HS3ST4: variants seen among roughly 807,000 people sequenced by gnomAD.
HS3ST4 encodes the protein heparan sulfate glucosamine 3-O-sulfotransferase 4.
HS3ST4 carries 17 observed loss-of-function variants against 29.2 expected under a neutral mutation model. That is an observed-to-expected ratio of 0.58 (90% CI 0.40 to 0.87). The LOEUF (loss-of-function observed/expected upper bound fraction) is 0.87. Ranked by LOEUF, HS3ST4 falls within the 40% of genes least tolerant of loss-of-function variation. The pLI is 0.00. For synonymous variants in HS3ST4, 314 were observed against 285.7 expected, an observed-to-expected ratio of 1.10 and a Z score of -1.00; for missense variants, 627 against 634.5, an observed-to-expected ratio of 0.99 and a Z score of 0.13.
At chr16:26,062,408 T>G (rs1567304302) in intron 1 of HS3ST4, among the ~76,000 whole-genome samples, 1 of 152,214 alleles carries the variant, frequency 6.6e-6, no homozygotes, top group Non-Finnish European at 1.5e-5. Flanking sequence ...GATTCTTGCC[T>G]GTTCTTCTCA....
intron 1 of HS3ST4, among the ~76,000 whole-genome samples, chr16:25,864,817 A>G (rs8044051): frequency 0.27 from 40,528 of 151,378 alleles, 5,949 homozygotes; most frequent in East Asian, 0.45. Flanking sequence ...TCCATTGTAT[A>G]TATATTTATA....
intron 1 of HS3ST4, among the ~76,000 whole-genome samples, chr16:25,988,577 G>A (rs1969084774): frequency 6.6e-6 from 1 of 152,184 alleles, no homozygotes; most frequent in Non-Finnish European, 1.5e-5. Flanking sequence ...CTCTAGGATA[G>A]TTTTTTATTT....
intron 1 of HS3ST4, among the ~76,000 whole-genome samples, chr16:26,010,994 A>G (rs1304856052): frequency 1.3e-5 from 2 of 152,196 alleles, no homozygotes; most frequent in Admixed American, 6.5e-5. Context: ...GAGCTAACGT[A>G]TGAGAGTGCT....
intron 1 of HS3ST4, among the ~76,000 whole-genome samples, chr16:26,109,572 A>C (rs1899100489): frequency 6.6e-6 from 1 of 152,030 alleles, no homozygotes; most frequent in Non-Finnish European, 1.5e-5. Flanking sequence ...TCCCCCAGGC[A>C]TGTCCATCAC....
intron 1 of HS3ST4, among the ~76,000 whole-genome samples, chr16:26,033,906 A>C (rs1399490267): frequency 1.3e-5 from 2 of 152,206 alleles, no homozygotes; most frequent in Non-Finnish European, 2.9e-5. Context: ...GCTGCGGTGT[A>C]GTCAGGATTA....
chr16:25,880,035 T>C (rs1288230127), intron 1 of HS3ST4, among the ~76,000 whole-genome samples: 3 of 152,126 alleles, frequency 2.0e-5, no homozygotes, highest in Non-Finnish European at 4.4e-5. Context: ...GTGGGGATTA[T>C]TACAATTCAC....
intron 1 of HS3ST4, among the ~76,000 whole-genome samples, chr16:25,869,954 A>G (rs567447321): frequency 1.3e-3 from 200 of 152,284 alleles, no homozygotes; most frequent in Non-Finnish European, 2.2e-3. Context: ...AGGACCAGGG[A>G]TCAGATCTGA....
At chr16:26,099,472 C>A (rs978783349) in intron 1 of HS3ST4, among the ~76,000 whole-genome samples, 6 of 152,126 alleles carry the variant, frequency 3.9e-5, no homozygotes, top group Non-Finnish European at 5.9e-5. Flanking sequence ...GAAATTTGAA[C>A]CCAGAGTCAG....
chr16:25,709,088 T>C (rs80132193), intron 1 of HS3ST4, among the ~76,000 whole-genome samples: 1 of 145,008 alleles, frequency 6.9e-6, no homozygotes, highest in Non-Finnish European at 1.5e-5. Context: ...GGGGATATCT[T>C]TTTTTTTTTT....
intron 1 of HS3ST4, among the ~76,000 whole-genome samples, chr16:26,080,018 G>A (rs1898706936): frequency 1.3e-5 from 2 of 152,170 alleles, no homozygotes; most frequent in South Asian, 4.2e-4. Context: ...GGACGCTGAA[G>A]CACAGATAAT....
chr16:25,943,477 C>CAA (rs1458413856), intron 1 of HS3ST4, among the ~76,000 whole-genome samples: 1 of 152,086 alleles, frequency 6.6e-6, no homozygotes, highest in Admixed American at 6.6e-5. Flanking sequence ...TACTGGATGA[C>CAA]ATTTTGGGGC....
chr16:25,806,852 GGTGC>G (rs1486470039), intron 1 of HS3ST4, among the ~76,000 whole-genome samples: 1 of 151,972 alleles, frequency 6.6e-6, no homozygotes, highest in African/African-American at 2.4e-5. Flanking sequence ...TGTGCATATG[GGTGC>G]GTGTGTGTGC....
intron 1 of HS3ST4, among the ~76,000 whole-genome samples, chr16:26,116,813 C>A (rs768976149): frequency 6.6e-6 from 1 of 152,168 alleles, no homozygotes; most frequent in Non-Finnish European, 1.5e-5. Context: ...ATCTGTAATG[C>A]TCCAAAATCT....
intron 1 of HS3ST4, among the ~76,000 whole-genome samples, chr16:26,112,250 ATGTGTG>A (rs35207548): frequency 5.4e-4 from 80 of 148,176 alleles, no homozygotes; most frequent in Admixed American, 1.5e-3. Flanking sequence ...GTGTGTGTGT[ATGTGTG>A]TGTGTGTGTG....
intron 1 of HS3ST4, among the ~76,000 whole-genome samples, chr16:26,074,759 T>A (rs1898639861): frequency 6.6e-6 from 1 of 152,098 alleles, no homozygotes; most frequent in Non-Finnish European, 1.5e-5. Flanking sequence ...GACTTTCTAA[T>A]TTTATCTCCT....
intron 1 of HS3ST4, among the ~76,000 whole-genome samples, chr16:25,897,758 G>A (rs1170962252): frequency 6.6e-6 from 1 of 152,078 alleles, no homozygotes; most frequent in Admixed American, 6.6e-5. Context: ...TGTGTTCCTG[G>A]CAGGGCTGCC....
At chr16:25,873,448 A>C (rs1967784967) in intron 1 of HS3ST4, among the ~76,000 whole-genome samples, 1 of 149,414 alleles carries the variant, frequency 6.7e-6, no homozygotes, top group Non-Finnish European at 1.5e-5. Context: ...CCATCCATCC[A>C]CCCATCCATT....
At chr16:25,998,131 C>T (rs1341621322) in intron 1 of HS3ST4, among the ~76,000 whole-genome samples, 1 of 152,008 alleles carries the variant, frequency 6.6e-6, no homozygotes, top group East Asian at 1.9e-4. Flanking sequence ...GGTATGGTAG[C>T]ATGCACCTGT....
chr16:25,920,781 A>T (rs1045837771), intron 1 of HS3ST4, among the ~76,000 whole-genome samples: 1 of 150,660 alleles, frequency 6.6e-6, no homozygotes, highest in African/African-American at 2.4e-5. Context: ...TTTGTGTTCT[A>T]TTTTTTTTGG....
Sources: allele counts gnomAD v4.1 joint callset (sites outside exome capture counted in the v4.1 genomes callset), GRCh38; gene constraint gnomAD v4.1.1; transcripts MANE v1.5; gene names NCBI Gene and HGNC (gene_info 2026-07-23, HGNC 2026-07-21).